RUNX1: variants seen among roughly 807,000 people sequenced by gnomAD.
RUNX1 encodes the protein runt-related transcription factor 1.
Under a neutral mutation model 42.8 loss-of-function variants are expected in RUNX1, and 19 were observed. The observed-to-expected ratio is 0.44, with a 90% CI of 0.31 to 0.65. RUNX1 has a LOEUF of 0.65. Among genes scored for constraint, RUNX1 ranks in the 30% least tolerant of loss-of-function variants. The probability of loss-of-function intolerance (pLI) is 0.07; values close to 1 mark genes in which losing one functional copy is unlikely to be tolerated. For synonymous variants in RUNX1, 271 were observed against 289.4 expected (o/e 0.94, Z 0.64); for missense variants, 528 against 672.0 (o/e 0.79, Z 2.37).
intron 6 of RUNX1, among the ~76,000 whole-genome samples, chr21:34,841,859 C>T (rs1569044085): frequency 6.6e-6 from 1 of 152,204 alleles, no homozygotes; most frequent in Non-Finnish European, 1.5e-5. Flanking sequence ...AGGTTTTCTC[C>T]ATAGCACATG....
At chr21:34,834,092 T>C (rs530961422) in intron 7 of RUNX1, 9 of 566,870 alleles carry the variant, frequency 1.6e-5, no homozygotes, top group Non-Finnish European at 3.0e-5. Context: ...TAGCCAAAGC[T>C]AACTCTTAAA....
chr21:34,903,770 T>C (rs565300012), intron 2 of RUNX1, among the ~76,000 whole-genome samples: 53 of 152,322 alleles, frequency 3.5e-4, no homozygotes, highest in African/African-American at 1.1e-3. Flanking sequence ...CAGACTGTTA[T>C]AAGAAACAGT....
At chr21:34,934,046 G>T (rs1213379289) in intron 2 of RUNX1, among the ~76,000 whole-genome samples, 1 of 152,168 alleles carries the variant, frequency 6.6e-6, no homozygotes, top group Non-Finnish European at 1.5e-5. Flanking sequence ...GCAGTGGATA[G>T]GGAGAATCCA....
At chr21:35,041,407 C>T (rs550771103) in intron 2 of RUNX1, among the ~76,000 whole-genome samples, 35 of 152,310 alleles carry the variant, frequency 2.3e-4, no homozygotes, top group African/African-American at 8.4e-4. Flanking sequence ...TTGTGATGAC[C>T]TTTCCCATTT....
chr21:34,908,885 A>G (rs1388016742), intron 2 of RUNX1, among the ~76,000 whole-genome samples: 1 of 152,124 alleles, frequency 6.6e-6, no homozygotes, highest in African/African-American at 2.4e-5. Flanking sequence ...CTAAAGAAAG[A>G]GGAACAGAGC....
chr21:34,980,001 T>C (rs2058835116), intron 2 of RUNX1, among the ~76,000 whole-genome samples: 1 of 152,236 alleles, frequency 6.6e-6, no homozygotes, highest in South Asian at 2.1e-4. Flanking sequence ...AGCTACTTGC[T>C]GTAAAATGGG....
intron 2 of RUNX1, among the ~76,000 whole-genome samples, chr21:34,977,774 C>A (rs1455024175): frequency 6.6e-6 from 1 of 152,146 alleles, no homozygotes; most frequent in Non-Finnish European, 1.5e-5. Context: ...CTGGAGAGGC[C>A]AAAAAGCTGT....
At chr21:35,033,016 T>C (rs2059283539) in intron 2 of RUNX1, among the ~76,000 whole-genome samples, 1 of 152,186 alleles carries the variant, frequency 6.6e-6, no homozygotes, top group South Asian at 2.1e-4. Flanking sequence ...CATCCATCCA[T>C]CTATCCATTC....
At chr21:34,819,074 T>C (rs2056871775) in intron 7 of RUNX1, among the ~76,000 whole-genome samples, 1 of 152,026 alleles carries the variant, frequency 6.6e-6, no homozygotes, top group Non-Finnish European at 1.5e-5. Context: ...TAACAAGGGG[T>C]CTAGTTTTCT....
intron 7 of RUNX1, chr21:34,821,466 T>G: frequency 2.9e-6 from 4 of 1,395,660 alleles, no homozygotes; most frequent in Non-Finnish European, 2.8e-6. Flanking sequence ...AATTGTCCCA[T>G]GTGTTAGGAA....
intron 7 of RUNX1, chr21:34,821,534 C>G: frequency 6.6e-7 from 1 of 1,519,944 alleles, no homozygotes; most frequent in Non-Finnish European, 8.9e-7. Flanking sequence ...AATTACAGAC[C>G]CACATTCTGC....
chr21:34,839,770 G>A (rs2057205998), intron 6 of RUNX1, among the ~76,000 whole-genome samples: 2 of 152,286 alleles, frequency 1.3e-5, no homozygotes, highest in South Asian at 2.1e-4. Context: ...CAGGGAGCAC[G>A]CTGGGAATAT....
intron 2 of RUNX1, among the ~76,000 whole-genome samples, chr21:34,970,274 T>G (rs2058753883): frequency 6.6e-6 from 1 of 152,218 alleles, no homozygotes; most frequent in South Asian, 2.1e-4. Context: ...GGTGGAGAGA[T>G]ATTCTACTCA....
intron 2 of RUNX1, among the ~76,000 whole-genome samples, chr21:35,008,562 A>G (rs1038722758): frequency 2.6e-5 from 4 of 152,240 alleles, no homozygotes; most frequent in African/African-American, 9.6e-5. Context: ...AAAGAGAAAA[A>G]GGGAAAAGTT....
chr21:34,872,121 G>C (rs1207572743), intron 5 of RUNX1, among the ~76,000 whole-genome samples: 3 of 152,202 alleles, frequency 2.0e-5, no homozygotes, highest in African/African-American at 7.2e-5. Flanking sequence ...TGGGATTACA[G>C]GTGTGAGCCA....
intron 7 of RUNX1, among the ~76,000 whole-genome samples, chr21:34,817,879 C>T (rs1187330167): frequency 1.3e-5 from 2 of 152,162 alleles, no homozygotes; most frequent in Non-Finnish European, 2.9e-5. Flanking sequence ...TGCCCGGGGC[C>T]GCCTCATGTC....
chr21:34,883,929 C>T (rs1409339989), intron 4 of RUNX1, among the ~76,000 whole-genome samples: 2 of 152,144 alleles, frequency 1.3e-5, no homozygotes, highest in African/African-American at 2.4e-5. Flanking sequence ...GTGATCTTGC[C>T]GACAAAAATA....
chr21:35,003,280 C>T (rs1011148568), intron 2 of RUNX1, among the ~76,000 whole-genome samples: 1 of 152,176 alleles, frequency 6.6e-6, no homozygotes, highest in African/African-American at 2.4e-5. Context: ...ATGCCAAGAA[C>T]TTGACTTTGG....
intron 2 of RUNX1, among the ~76,000 whole-genome samples, chr21:35,034,837 C>T (rs749969291): frequency 1.3e-5 from 2 of 152,206 alleles, no homozygotes; most frequent in African/African-American, 4.8e-5. Flanking sequence ...GCCACTAGCT[C>T]TCTCATTTTA....
Sources: allele counts gnomAD v4.1 joint callset (sites outside exome capture counted in the v4.1 genomes callset), GRCh38; gene constraint gnomAD v4.1.1; transcripts MANE v1.5; gene names NCBI Gene and HGNC (gene_info 2026-07-23, HGNC 2026-07-21).